KAZN: variants seen among roughly 807,000 people sequenced by gnomAD.
The protein encoded by KAZN is kazrin, periplakin interacting protein.
A neutral mutation model predicts 87.4 loss-of-function variants in KAZN; 40 were observed. That is an observed-to-expected ratio of 0.46 (90% CI 0.36 to 0.60). The LOEUF (loss-of-function observed/expected upper bound fraction) is 0.60, where lower values mean the gene tolerates loss of function less well. Ranked by LOEUF, KAZN falls within the 20% of genes least tolerant of loss-of-function variation. The probability of loss-of-function intolerance (pLI) is 0.00; values close to 1 mark genes in which losing one functional copy is unlikely to be tolerated. For synonymous variants in KAZN, 466 were observed against 458.3 expected, an observed-to-expected ratio of 1.02 and a Z score of -0.22; for missense variants, 898 against 1,073.9, an observed-to-expected ratio of 0.84 and a Z score of 2.29.
chr1:14,419,690 T>C (rs1157702164), intron 2 of KAZN, among the ~76,000 whole-genome samples: 2 of 152,196 alleles, frequency 1.3e-5, no homozygotes, highest in Non-Finnish European at 2.9e-5. Flanking sequence ...GTTTGTGATC[T>C]CGCTGGCTTC....
chr1:14,763,196 T>C (rs1289119008), intron 1 of KAZN, among the ~76,000 whole-genome samples: 2 of 152,212 alleles, frequency 1.3e-5, no homozygotes, highest in East Asian at 3.9e-4. Context: ...AGAGGGACCA[T>C]TCTGCATGCT....
chr1:14,197,211 T>G (rs1298695956), intron 2 of KAZN, among the ~76,000 whole-genome samples: 1 of 151,930 alleles, frequency 6.6e-6, no homozygotes, highest in Admixed American at 6.6e-5. Context: ...AAACGGGGAT[T>G]TTTTTGTTTT....
At chr1:15,028,867 T>C (rs562830544) in intron 2 of KAZN, among the ~76,000 whole-genome samples, 1 of 152,314 alleles carries the variant, frequency 6.6e-6, no homozygotes, top group East Asian at 1.9e-4. Context: ...CTGGTGTGTC[T>C]GTTAGGAATG....
chr1:14,834,791 C>G (rs191252025), intron 1 of KAZN, among the ~76,000 whole-genome samples: 71 of 151,436 alleles, frequency 4.7e-4, no homozygotes, highest in African/African-American at 1.6e-3. Flanking sequence ...CCTGATGGAG[C>G]TTGGAGCCTA....
intron 1 of KAZN, among the ~76,000 whole-genome samples, chr1:14,819,572 G>T (rs1250608797): frequency 1.3e-5 from 2 of 152,010 alleles, no homozygotes; most frequent in African/African-American, 4.8e-5. Flanking sequence ...TGAGTTTCCA[G>T]TCTGCCAAAG....
At chr1:14,883,341 A>AGG (rs1653582981) in intron 1 of KAZN, among the ~76,000 whole-genome samples, 4 of 29,540 alleles carry the variant, frequency 1.4e-4, no homozygotes, top group African/African-American at 2.7e-4. Context: ...AGAGAGAGAG[A>AGG]GAAAGAAAGA....
At chr1:13,945,473 C>CA (rs35661143) in intron 1 of KAZN, among the ~76,000 whole-genome samples, 109 of 110,260 alleles carry the variant, frequency 9.9e-4, no homozygotes, top group Non-Finnish European at 1.0e-3. Flanking sequence ...GAGTCCGTCT[C>CA]AAAAAAAAAA....
intron 1 of KAZN, among the ~76,000 whole-genome samples, chr1:14,758,791 G>A (rs368809501): frequency 2.6e-4 from 39 of 152,248 alleles, no homozygotes; most frequent in African/African-American, 8.7e-4. Flanking sequence ...TAGAACCTCT[G>A]GGGAGATGGG....
chr1:14,350,134 A>T (rs1658426201), intron 2 of KAZN, among the ~76,000 whole-genome samples: 1 of 37,744 alleles, frequency 2.6e-5, no homozygotes, highest in African/African-American at 1.7e-4. Flanking sequence ...ACTCCATCTC[A>T]AAAAAAAAAA....
At position 15,117,635 on chromosome 1, in the gene KAZN, G is replaced by A. The variant is rs937412907; in HGVS notation, c.*3000G>A. ...ACAGGGCTGGGTACTGGCAGAACAG[G>A]AAGATTTGGCCAGAGGTGACCTCAG... On this transcript the variant is annotated 3_prime_UTR_variant, in exon 15 of 15. Coordinates refer to ENST00000376030, the MANE Select transcript of KAZN (RefSeq NM_201628.3). 7.9e-5 allele frequency: 12 copies of A among 152,144 alleles called. No homozygotes were observed. The highest frequency in any genetic ancestry group is 3.9e-4 in the East Asian group (2 of 5,188). The allele number at this position is 152,144 out of a possible 1,614,324, so 9.4% of individuals were successfully genotyped here.
At chr1:14,246,664 C>T (rs1459041992) in intron 2 of KAZN, among the ~76,000 whole-genome samples, 3 of 152,152 alleles carry the variant, frequency 2.0e-5, no homozygotes, top group Admixed American at 6.5e-5. Context: ...ACTAATTACT[C>T]GATGGTGATG....
At chr1:14,658,159 T>C (rs6429671) in intron 1 of KAZN, among the ~76,000 whole-genome samples, 8,129 of 152,222 alleles carry the variant, frequency 0.053, 328 homozygotes, top group African/African-American at 0.096. Context: ...AAGCACTTGT[T>C]AGGAGTGGAA....
intron 1 of KAZN, among the ~76,000 whole-genome samples, chr1:14,704,933 C>T (rs946306696): frequency 6.6e-6 from 1 of 152,202 alleles, no homozygotes; most frequent in African/African-American, 2.4e-5. Context: ...GGTTTTCCTT[C>T]TAGGTGCATA....
At chr1:14,215,278 C>G (rs902952711) in intron 2 of KAZN, among the ~76,000 whole-genome samples, 1 of 152,166 alleles carries the variant, frequency 6.6e-6, no homozygotes, top group African/African-American at 2.4e-5. Context: ...ATTGTCATTA[C>G]AGGTTATTCA....
rs971753717 is a variant in KAZN at position 14,389,215 on chromosome 1, G to A, written c.249+208623G>A. Among the ~76,000 whole-genome samples the A allele has an allele frequency of 3.3e-5, 5 of 152,150 alleles. No individual in the cohort carries two copies. The East Asian group carries it at 7.7e-4, about 23-fold the overall frequency. ...GTCAGGCAATAACAAATGCTGGTGAGGATGTTGAGAAAAAGGAACCCTCGT... is the reference window on the plus strand; with the variant it reads ...GTCAGGCAATAACAAATGCTGGTGAAGATGTTGAGAAAAAGGAACCCTCGT... On this transcript the variant is annotated intron_variant, in intron 2 of 16. Coordinates refer to the KAZN transcript ENST00000636203.
chr1:14,442,457 C>T (rs189537906), intron 2 of KAZN, among the ~76,000 whole-genome samples: 3 of 152,262 alleles, frequency 2.0e-5, no homozygotes, highest in East Asian at 1.9e-4. Flanking sequence ...TGTATGAGAT[C>T]GTCACAGAGG....
At chr1:14,494,041 C>T (rs1669815197) in intron 2 of KAZN, among the ~76,000 whole-genome samples, 1 of 152,154 alleles carries the variant, frequency 6.6e-6, no homozygotes, top group Non-Finnish European at 1.5e-5. Context: ...AACTTTTCTT[C>T]TGGTTCCTAG....
intron 2 of KAZN, among the ~76,000 whole-genome samples, chr1:15,019,100 G>C (rs1477870511): frequency 6.6e-6 from 1 of 152,148 alleles, no homozygotes; most frequent in Admixed American, 6.5e-5. Context: ...GGGTCTGTGA[G>C]AGGACCTGGC....
At chr1:14,162,524 T>A (rs7545744) in intron 1 of KAZN, among the ~76,000 whole-genome samples, 26,266 of 151,106 alleles carry the variant, frequency 0.17, 2,861 homozygotes, top group East Asian at 0.33. Context: ...ACACTCTTGG[T>A]TTTATCTTTT....
Sources: gnomAD v4.1 joint callset for allele counts (sites outside exome capture counted in the v4.1 genomes callset) on GRCh38, gnomAD v4.1.1 for gene constraint, MANE v1.5 for transcripts, NCBI Gene and HGNC (gene_info 2026-07-23, HGNC 2026-07-21) for gene names.